The following PTK2 variants were observed in gnomAD, a reference collection of about 807,000 sequenced individuals.
The protein encoded by PTK2 is focal adhesion kinase 1.
In PTK2, 45 loss-of-function variants were observed where a neutral mutation model predicts 150.1. That is an observed-to-expected ratio of 0.30 (90% confidence interval 0.24 to 0.38). The LOEUF is 0.38. PTK2 is among the 10% of genes least tolerant of loss of function. PTK2 has a pLI of 1.00. For missense variants in PTK2, 919 were observed against 1,307.3 expected, an observed-to-expected ratio of 0.70 and a Z score of 4.58; for synonymous variants, 432 against 449.2, an observed-to-expected ratio of 0.96 and a Z score of 0.48.
chr8:140,793,978 G>C (rs568676057), intron 12 of PTK2, among the ~76,000 whole-genome samples: 2 of 152,280 alleles, frequency 1.3e-5, no homozygotes, highest in South Asian at 2.1e-4. Context: ...GCTCATGCCG[G>C]CCTGACCACA....
intron 25 of PTK2, among the ~76,000 whole-genome samples, chr8:140,701,472 G>T (rs1000297862): frequency 1.1e-4 from 16 of 152,052 alleles, no homozygotes; most frequent in Non-Finnish European, 2.1e-4. Flanking sequence ...TTGCTATGTT[G>T]CCCAGGCTGG....
chr8:141,000,412 C>G lies in PTK2; in HGVS notation c.-122+713G>C, dbSNP rs544707938. ...CTCGGAGCCCACCCTTGGCTGCCCGCGAGGCCGCGCCCGGGGGACGGAGGT... is the reference window on the plus strand; with the variant it reads ...CTCGGAGCCCACCCTTGGCTGCCCGGGAGGCCGCGCCCGGGGGACGGAGGT... On this transcript the variant is annotated intron_variant, in intron 1 of 31. Transcript: ENST00000522684. Among the ~76,000 whole-genome samples, 803 of 152,308 alleles carry G rather than the reference C, an allele frequency of 5.3e-3. 1 individual carries two copies. Among genetic ancestry groups the G allele is most frequent in the Middle Eastern group, 0.021 (6 of 290 alleles).
chr8:140,826,044 A>G (rs1321514406), intron 8 of PTK2, among the ~76,000 whole-genome samples: 1 of 152,248 alleles, frequency 6.6e-6, no homozygotes, highest in African/African-American at 2.4e-5. Context: ...TCTTTCAACA[A>G]TTCAATGTGA....
chr8:140,861,093 C>G (rs1229971424), intron 5 of PTK2, among the ~76,000 whole-genome samples: 1 of 152,194 alleles, frequency 6.6e-6, no homozygotes, highest in African/African-American at 2.4e-5. Context: ...ATACTCCCAG[C>G]ACTTTGGGAG....
intron 1 of PTK2, among the ~76,000 whole-genome samples, chr8:140,994,920 A>T (rs956551588): frequency 2.6e-5 from 4 of 152,066 alleles, no homozygotes; most frequent in Non-Finnish European, 4.4e-5. Flanking sequence ...CCCCATCTCT[A>T]CTAAAAATAC....
intron 14 of PTK2, among the ~76,000 whole-genome samples, chr8:140,779,154 C>T (rs1422834176): frequency 4.0e-5 from 6 of 149,682 alleles, no homozygotes; most frequent in Admixed American, 6.7e-5. Flanking sequence ...CCCAGCTACT[C>T]GGGAGGCTGA....
intron 14 of PTK2, among the ~76,000 whole-genome samples, chr8:140,788,085 C>T (rs939061526): frequency 2.0e-5 from 3 of 152,224 alleles, no homozygotes; most frequent in Non-Finnish European, 2.9e-5. Flanking sequence ...GTGCTGTTTA[C>T]TGCCCCAGTG....
intron 30 of PTK2, among the ~76,000 whole-genome samples, chr8:140,665,696 A>G (rs1330055777): frequency 6.6e-6 from 1 of 152,258 alleles, no homozygotes; most frequent in East Asian, 1.9e-4. Context: ...AAAACCAGTA[A>G]GAAAATGATA....
chr8:140,878,989 T>C (rs1443868576), intron 4 of PTK2, among the ~76,000 whole-genome samples: 1 of 152,172 alleles, frequency 6.6e-6, no homozygotes, highest in Non-Finnish European at 1.5e-5. Context: ...TAACGTTGCA[T>C]GTGAATATCA....
chr8:140,743,289 C>G (rs2100056730), exon 20 of PTK2: 4 of 1,613,590 alleles, frequency 2.5e-6, no homozygotes, highest in Non-Finnish European at 3.4e-6. Flanking sequence ...TAATTTTACA[C>G]AATCATTTGA....
At chr8:140,940,133 G>C (rs1214284348) in intron 1 of PTK2, among the ~76,000 whole-genome samples, 1 of 152,222 alleles carries the variant, frequency 6.6e-6, no homozygotes, top group Non-Finnish European at 1.5e-5. Flanking sequence ...ATCCCTGATA[G>C]GATGGGCAAG....
intron 26 of PTK2, among the ~76,000 whole-genome samples, chr8:140,698,030 G>A (rs995424234): frequency 6.6e-6 from 1 of 151,620 alleles, no homozygotes; most frequent in African/African-American, 2.4e-5. Context: ...CGCACTCTTC[G>A]CTCTTCCTGG....
intron 5 of PTK2, among the ~76,000 whole-genome samples, chr8:140,851,681 A>C (rs1019679918): frequency 6.6e-6 from 1 of 152,270 alleles, no homozygotes; most frequent in African/African-American, 2.4e-5. Context: ...CAACATGGCA[A>C]AAACATCTCT....
chr8:141,001,754 C>T (rs1389513233), upstream of PTK2, among the ~76,000 whole-genome samples: 2 of 152,236 alleles, frequency 1.3e-5, no homozygotes, highest in Non-Finnish European at 2.9e-5. Flanking sequence ...GCACCCGCTG[C>T]GGGCCCCGGG....
At chr8:140,800,697 A>C in intron 11 of PTK2, 121 bp from the exon 12 acceptor site, 1 of 705,608 alleles carries the variant, frequency 1.4e-6, no homozygotes, top group Non-Finnish European at 2.4e-6. Context: ...GGAATGAAAC[A>C]AGATTTGTCA....
chr8:140,885,812 G>A (rs1234642054), intron 3 of PTK2, among the ~76,000 whole-genome samples: 1 of 152,114 alleles, frequency 6.6e-6, no homozygotes, highest in African/African-American at 2.4e-5. Flanking sequence ...GGGCATGATG[G>A]GACAGGATGG....
rs55861612 is a variant in PTK2 at position 140,683,772 on chromosome 8, GAA to G, written c.2562+2858_2562+2859del. Among the ~76,000 whole-genome samples the G allele has an allele frequency of 5.2e-3, 754 of 145,312 alleles. 8 individuals carry two copies. Among genetic ancestry groups the G allele is most frequent in the South Asian group, 6.9e-3 (32 of 4,620 alleles). Reference sequence around the variant, plus strand: ...AAACTACAGGATTATCTCAATAGATGAAAAAAAAAAAAGCTTCCAATAAAATT... The same window carrying G: ...AAACTACAGGATTATCTCAATAGATGAAAAAAAAAAGCTTCCAATAAAATT... On this transcript the variant is annotated intron_variant, in intron 27 of 31. Coordinates refer to ENST00000522684, the Ensembl canonical transcript of PTK2.
chr8:140,992,517 T>C (rs2100196121), intron 1 of PTK2, among the ~76,000 whole-genome samples: 2 of 151,962 alleles, frequency 1.3e-5, no homozygotes, highest in African/African-American at 2.4e-5. Flanking sequence ...CCCTCAGTGT[T>C]TGATTCAAGA....
At chr8:140,964,547 ATTTTTTTTTTTTT>A (rs1025644210) in intron 1 of PTK2, among the ~76,000 whole-genome samples, 819 of 76,880 alleles carry the variant, frequency 0.011, 6 homozygotes, top group Admixed American at 0.022. Flanking sequence ...GCCCCAGGTA[ATTTTTTTTTTTTT>A]TTTTTTTTTT....
Sources: allele counts gnomAD v4.1 joint callset (sites outside exome capture counted in the v4.1 genomes callset), GRCh38; gene constraint gnomAD v4.1.1; transcripts MANE v1.5; gene names NCBI Gene and HGNC (gene_info 2026-07-23, HGNC 2026-07-21).